DNAH17: variants seen among roughly 807,000 people sequenced by gnomAD.
The protein encoded by DNAH17 is axonemal beta dynein heavy chain 17.
DNAH17 carries 376 observed loss-of-function variants against 485.6 expected under a neutral mutation model. The observed-to-expected ratio is 0.77, with a 90% CI of 0.71 to 0.84. The LOEUF (loss-of-function observed/expected upper bound fraction) is 0.84, where lower values mean the gene tolerates loss of function less well. DNAH17 is among the 40% of genes least tolerant of loss of function. The probability of loss-of-function intolerance (pLI) is 0.00; values close to 1 mark genes in which losing one functional copy is unlikely to be tolerated. For missense variants in DNAH17, 6,370 were observed against 5,839.3 expected (o/e 1.09, Z -2.96); for synonymous variants, 3,031 against 2,405.9 (o/e 1.26, Z -7.60).
At chr17:78,556,599 G>A (rs1004659740) in intron 14 of DNAH17, among the ~76,000 whole-genome samples, 4 of 152,128 alleles carry the variant, frequency 2.6e-5, no homozygotes, top group Admixed American at 6.5e-5. Flanking sequence ...CTTTCCCAGG[G>A]TATATGAGTG....
In DNAH17 at chr17:78,571,358, G is replaced by C. The variant is rs770009988; in HGVS notation, c.753C>G (p.Asn251Lys). 6.2e-7 allele frequency: 1 copy of C among 1,613,772 alleles called. No individual in the cohort carries two copies. Among genetic ancestry groups the C allele is most frequent in the Non-Finnish European group, 8.5e-7 (1 of 1,179,732 alleles). Residue 251 changes from asparagine (N) to lysine (K), a missense_variant, in exon 5 of 81, where the codon AAC becomes AAG. Asn to Lys is a moderately conservative substitution (Grantham distance 94). Transcript: ENST00000389840. ...IHEQLNRPKV[N>K]KIVEILEKAK... ...CTTTCTCTAGGATCTCAACAATCTT[G>C]TTCACTTTGGGTCTGTTTAGCTGAG... is the stretch of plus-strand genomic sequence containing the variant.
chr17:78,485,940 C>A lies in DNAH17; in HGVS notation c.7275+20G>T. On this transcript the variant is annotated intron_variant, in intron 46 of 80. Transcript: ENST00000389840. The stretch of plus-strand genomic sequence containing the variant: ...TGCCTCTAAATCACCAGTCGGTGGC[C>A]CTGCTTTGGGGACAGTTACCTGCAG... 1 of 1,608,262 alleles carries A rather than the reference C, an allele frequency of 6.2e-7. No individual in the cohort carries two copies. The highest frequency in any genetic ancestry group is 8.5e-7 in the Non-Finnish European group (1 of 1,178,094).
chr17:78,484,385 A>C (rs536071692), intron 48 of DNAH17, among the ~76,000 whole-genome samples: 5 of 152,092 alleles, frequency 3.3e-5, no homozygotes, highest in Non-Finnish European at 7.4e-5. Flanking sequence ...TCCCACAGCC[A>C]GCAGGACACT....
intron 9 of DNAH17, 106 bp downstream of exon 9, chr17:78,569,060 G>T: frequency 1.1e-6 from 1 of 892,712 alleles, no homozygotes; most frequent in Non-Finnish European, 1.7e-6. Flanking sequence ...CTTATTTTCT[G>T]CCTGGGGGAT....
At chr17:78,531,090 G>A (rs1429823809) in intron 20 of DNAH17, among the ~76,000 whole-genome samples, 2 of 152,300 alleles carry the variant, frequency 1.3e-5, no homozygotes, top group Non-Finnish European at 2.9e-5. Flanking sequence ...TAACTCCAAT[G>A]TTTCTTTGCT....
chr17:78,544,822 A>AAAAAAAAAAAAAAAAAAC (rs2091710922), intron 16 of DNAH17, among the ~76,000 whole-genome samples: 1 of 148,370 alleles, frequency 6.7e-6, no homozygotes, highest in East Asian at 2.1e-4. Context: ...AAAAAAAAAA[A>AAAAAAAAAAAAAAAAAAC]AAGGTGGGGG....
chr17:78,569,775 A>G (rs2092323620), intron 7 of DNAH17, among the ~76,000 whole-genome samples: 1 of 152,236 alleles, frequency 6.6e-6, no homozygotes, highest in African/African-American at 2.4e-5. Flanking sequence ...CTCCAGGGAC[A>G]GGGGACCCCG....
At chr17:78,449,821 ACAC>A (rs2087469363) in intron 68 of DNAH17, 1 of 503,678 alleles carries the variant, frequency 2.0e-6, no homozygotes, top group East Asian at 3.3e-5. Flanking sequence ...CCCAAGGCGC[ACAC>A]CACCACACCT....
chr17:78,475,582 C>T (rs191348360), intron 53 of DNAH17, 87 bp downstream of exon 53: 48 of 1,601,792 alleles, frequency 3.0e-5, no homozygotes, highest in Non-Finnish European at 2.1e-5. Flanking sequence ...CAGCCCCACA[C>T]AATGCCACTC....
At chr17:78,513,882 T>C (rs1403762679) in intron 26 of DNAH17, among the ~76,000 whole-genome samples, 1 of 152,220 alleles carries the variant, frequency 6.6e-6, no homozygotes, top group Non-Finnish European at 1.5e-5. Flanking sequence ...GCAGGGGCCA[T>C]GTCTCCTGTC....
chr17:78,476,451 G>A (rs1418614893), intron 52 of DNAH17, 121 bp downstream of exon 52: 20 of 1,196,400 alleles, frequency 1.7e-5, no homozygotes, highest in South Asian at 1.1e-4. Context: ...AACCTAACAC[G>A]GATCTTCCCA....
At chr17:78,501,969 C>G in intron 33 of DNAH17, 96 bp from the exon 34 acceptor site, 1 of 1,530,420 alleles carries the variant, frequency 6.5e-7, no homozygotes, top group South Asian at 1.2e-5. Context: ...GGGAACACCA[C>G]CATGCTTTTG....
In DNAH17 at chr17:78,434,101, C is replaced by A. The variant is rs143586804; in HGVS notation, c.12153G>T (p.Ser4051=). 1.2e-6 allele frequency: 2 copies of A among 1,613,476 alleles called. No homozygotes were observed. Among genetic ancestry groups the A allele is most frequent in the East Asian group, 2.2e-5 (1 of 44,894 alleles). Residue 4051 remains serine, a synonymous_variant, in exon 75 of 81, where the codon TCG becomes TCT. Coordinates refer to ENST00000389840, the MANE Select transcript of DNAH17 (RefSeq NM_173628.4). ...TGAGGTCCCCGTTGTTGAAGGGGTACGACCGGTTCCAGCCCTGGGCGCCGA... is the reference window on the plus strand; with the variant it reads ...TGAGGTCCCCGTTGTTGAAGGGGTAAGACCGGTTCCAGCCCTGGGCGCCGA... ...RKFGAQGWNR[S]YPFNNGDLTI... is the part of the protein sequence containing the mutation.
chr17:78,485,530 C>A lies in DNAH17; in HGVS notation c.7483+20G>T. 1 of 1,557,652 alleles carries A rather than the reference C, an allele frequency of 6.4e-7. No homozygotes were observed. The highest frequency in any genetic ancestry group is 1.2e-5 in the South Asian group (1 of 83,858). On this transcript the variant is annotated intron_variant, in intron 47 of 80. Transcript: ENST00000389840. ...GCGGGGGGCAGCCGGGTAGGCAGGG[C>A]GTGGCCGGACCAGCCTCACCCTGCA...
Position 78,577,335 on chromosome 17 carries a change from A to G in DNAH17, c.-66T>C, listed in dbSNP as rs993079386. 18 of 152,138 alleles carry G rather than the reference A, an allele frequency of 1.2e-4. 1 individual carries two copies. The highest frequency in any genetic ancestry group is 4.1e-4 in the African/African-American group (17 of 41,458). 9.4% of individuals were successfully genotyped at this position (152,138 alleles called of 1,614,324 possible). Reference sequence around the variant, plus strand: ...AGCTTCTCCCGCAAACTGATGAGCAACTCTTTCCCAAACCAGGAAAGAAAA... The same window carrying G: ...AGCTTCTCCCGCAAACTGATGAGCAGCTCTTTCCCAAACCAGGAAAGAAAA... On this transcript the variant is annotated 5_prime_UTR_variant, in exon 1 of 81. Transcript: ENST00000389840.
chr17:78,441,282 A>AG (rs2087065758), intron 71 of DNAH17, 83 bp from the exon 72 acceptor site: 2 of 1,504,004 alleles, frequency 1.3e-6, no homozygotes, highest in Non-Finnish European at 1.8e-6. Context: ...TGGCCCAGGC[A>AG]GGGGGGCCAT....
chr17:78,536,073 C>T (rs903230734), intron 19 of DNAH17, among the ~76,000 whole-genome samples: 5 of 152,036 alleles, frequency 3.3e-5, no homozygotes, highest in African/African-American at 1.2e-4. Flanking sequence ...TGCGTTTAGA[C>T]GAGATGATTT....
chr17:78,540,017 G>T, intron 17 of DNAH17, 137 bp from the exon 18 acceptor site: 3 of 822,598 alleles, frequency 3.6e-6, no homozygotes, highest in South Asian at 8.4e-5. Context: ...CATCTTGCTG[G>T]TGCTGGCCGC....
At chr17:78,500,007 T>G (rs2090216925) in intron 36 of DNAH17, 1 of 339,260 alleles carries the variant, frequency 2.9e-6, no homozygotes, top group African/African-American at 2.2e-5. Context: ...TGCTCACCCC[T>G]GTGCGGAGTC....
Sources: allele counts gnomAD v4.1 joint callset (sites outside exome capture counted in the v4.1 genomes callset), GRCh38; gene constraint gnomAD v4.1.1; transcripts MANE v1.5; gene names NCBI Gene and HGNC (gene_info 2026-07-23, HGNC 2026-07-21).